SPIRE1: variants seen among roughly 807,000 people sequenced by gnomAD.
SPIRE1 encodes the protein spire type actin nucleation factor 1.
In SPIRE1, 40 loss-of-function variants were observed where a neutral mutation model predicts 94.1. That is an observed-to-expected ratio of 0.43 (90% CI 0.33 to 0.55). The LOEUF is 0.55. SPIRE1 is among the 20% of genes least tolerant of loss of function. SPIRE1 has a pLI of 0.06. For synonymous variants in SPIRE1, 376 were observed against 371.7 expected (o/e 1.01, Z -0.13); for missense variants, 838 against 975.2 (o/e 0.86, Z 1.87).
chr18:12,500,784 A>C (rs2033627873), intron 6 of SPIRE1, among the ~76,000 whole-genome samples: 1 of 152,152 alleles, frequency 6.6e-6, no homozygotes, highest in Non-Finnish European at 1.5e-5. Flanking sequence ...GAAGAAGTAA[A>C]GTAGCTCGCT....
chr18:12,510,281 G>C (rs2033994870), intron 5 of SPIRE1, among the ~76,000 whole-genome samples: 1 of 151,966 alleles, frequency 6.6e-6, no homozygotes, highest in Middle Eastern at 3.2e-3. Context: ...TCATTATTTT[G>C]ATTGTGGTGA....
chr18:12,451,431 A>T (rs915317198), intron 16 of SPIRE1, among the ~76,000 whole-genome samples: 1 of 152,202 alleles, frequency 6.6e-6, no homozygotes, highest in African/African-American at 2.4e-5. Context: ...TACTATTTTA[A>T]CTAAACCAAA....
intron 4 of SPIRE1, among the ~76,000 whole-genome samples, chr18:12,529,385 G>GA (rs2034620296): frequency 6.6e-6 from 1 of 151,780 alleles, no homozygotes; most frequent in African/African-American, 2.4e-5. Flanking sequence ...AAAAAAAAGG[G>GA]CAGTATGTGC....
At position 12,459,456 on chromosome 18, in the gene SPIRE1, T is replaced by A. The variant is rs149621216; in HGVS notation, c.1638+3895A>T. On this transcript the variant is annotated intron_variant, in intron 12 of 16. Transcript: ENST00000409402. ...ATGCACCCCACGGGCTCAGAGTGCC[T>A]GCTGCACATGGAGAAAGGTGGCAGC... Among the ~76,000 whole-genome samples the A allele has an allele frequency of 3.9e-4, 60 of 152,318 alleles. 1 individual carries two copies. The highest frequency in any genetic ancestry group is 1.4e-3 in the African/African-American group (58 of 41,576).
At chr18:12,588,686 C>G (rs1378403120) in intron 2 of SPIRE1, among the ~76,000 whole-genome samples, 2 of 144,356 alleles carry the variant, frequency 1.4e-5, no homozygotes, top group Non-Finnish European at 3.1e-5. Flanking sequence ...CCCTTTCTTA[C>G]ATTGCTAGTG....
intron 2 of SPIRE1, among the ~76,000 whole-genome samples, chr18:12,621,687 T>C (rs1160957668): frequency 3.3e-5 from 5 of 152,178 alleles, no homozygotes; most frequent in Non-Finnish European, 7.3e-5. Flanking sequence ...AGTAGATTAG[T>C]GATTGCTGGG....
intron 3 of SPIRE1, among the ~76,000 whole-genome samples, chr18:12,538,268 A>C (rs2144221408): frequency 6.6e-6 from 1 of 152,252 alleles, no homozygotes; most frequent in Non-Finnish European, 1.5e-5. Context: ...CATGCAACAA[A>C]ATCATTTTTA....
chr18:12,553,963 A>G (rs2035427909), intron 2 of SPIRE1, among the ~76,000 whole-genome samples: 1 of 152,174 alleles, frequency 6.6e-6, no homozygotes, highest in Non-Finnish European at 1.5e-5. Flanking sequence ...AAAAAAAGAC[A>G]AAAGACCTAA....
chr18:12,508,339 T>C (rs1476670374), intron 5 of SPIRE1, among the ~76,000 whole-genome samples: 2 of 152,134 alleles, frequency 1.3e-5, no homozygotes, highest in Admixed American at 1.3e-4. Flanking sequence ...CCAAAAAATA[T>C]AAAAACCATA....
upstream of SPIRE1, chr18:12,658,213 C>G: frequency 1.7e-6 from 1 of 585,252 alleles, no homozygotes; most frequent in South Asian, 1.5e-5. Context: ...GAGGTGAGGA[C>G]CAGGCAGGAG....
At chr18:12,581,622 G>A (rs2036258818) in intron 2 of SPIRE1, among the ~76,000 whole-genome samples, 1 of 152,144 alleles carries the variant, frequency 6.6e-6, no homozygotes, top group African/African-American at 2.4e-5. Context: ...CCGGCATTCT[G>A]GGAGGTCAAG....
chr18:12,469,649 T>A (rs1327876328), intron 10 of SPIRE1, among the ~76,000 whole-genome samples: 1 of 144,680 alleles, frequency 6.9e-6, no homozygotes, highest in Non-Finnish European at 1.5e-5. Flanking sequence ...TATATAAATA[T>A]ATTATTTACA....
chr18:12,632,142 A>T (rs2037799254), intron 2 of SPIRE1, among the ~76,000 whole-genome samples: 1 of 152,138 alleles, frequency 6.6e-6, no homozygotes, highest in Non-Finnish European at 1.5e-5. Flanking sequence ...TAAGAGAATG[A>T]AAGTATAAAG....
At chr18:12,526,374 T>G (rs1369603153) in intron 4 of SPIRE1, among the ~76,000 whole-genome samples, 3 of 152,196 alleles carry the variant, frequency 2.0e-5, no homozygotes, top group Non-Finnish European at 4.4e-5. Context: ...AAGTTACTTC[T>G]GGGAAGCTGT....
intron 3 of SPIRE1, among the ~76,000 whole-genome samples, chr18:12,535,986 C>G (rs1198820145): frequency 1.3e-5 from 2 of 151,978 alleles, no homozygotes; most frequent in African/African-American, 4.8e-5. Flanking sequence ...AAAACAGACA[C>G]ACCCCCATAT....
intron 5 of SPIRE1, 47 bp downstream of exon 5, chr18:12,512,407 C>T: frequency 7.6e-7 from 1 of 1,314,768 alleles, no homozygotes; most frequent in African/African-American, 1.5e-5. Context: ...AAAAATTATA[C>T]TATTTCTTAG....
intron 2 of SPIRE1, among the ~76,000 whole-genome samples, chr18:12,593,677 G>C (rs558815839): frequency 1.3e-5 from 2 of 152,236 alleles, no homozygotes; most frequent in East Asian, 3.9e-4. Flanking sequence ...TGGCCAGGCG[G>C]GGTGGCTCAT....
chr18:12,630,180 A>C (rs2037737068), intron 2 of SPIRE1, among the ~76,000 whole-genome samples: 2 of 152,174 alleles, frequency 1.3e-5, no homozygotes, highest in African/African-American at 4.8e-5. Context: ...CTCTATTTCA[A>C]TTCTATGACT....
At chr18:12,525,276 CAA>C (rs1170791088) in intron 4 of SPIRE1, among the ~76,000 whole-genome samples, 35 of 71,502 alleles carry the variant, frequency 4.9e-4, no homozygotes, top group East Asian at 3.9e-3. Context: ...GACTCCGTCT[CAA>C]AAAAAAAAAA....
Sources: allele counts gnomAD v4.1 joint callset (sites outside exome capture counted in the v4.1 genomes callset), GRCh38; gene constraint gnomAD v4.1.1; transcripts MANE v1.5; gene names NCBI Gene and HGNC (gene_info 2026-07-23, HGNC 2026-07-21).